Variants in RPL21 observed in about 807,000 individuals in gnomAD.
The protein encoded by RPL21 is ribosomal protein L21, also known as large ribosomal subunit protein eL21.
Under a neutral mutation model 21.2 loss-of-function variants are expected in RPL21, and 1 was observed. The ratio of observed to expected loss-of-function variants is 0.05; its 90% CI spans 0.02 to 0.22. RPL21 has a LOEUF of 0.22. RPL21 is among the 10% of genes least tolerant of loss of function. RPL21 has a pLI of 1.00. For missense variants in RPL21, 113 were observed against 199.4 expected, an observed-to-expected ratio of 0.57 and a Z score of 2.61; for synonymous variants, 52 against 62.9, an observed-to-expected ratio of 0.83 and a Z score of 0.82.
chr13:27,255,407 C>G (rs767206301), intron 4 of RPL21, 53 bp downstream of exon 4: 2 of 807,450 alleles, frequency 2.5e-6, no homozygotes, highest in Admixed American at 1.7e-5. Context: ...CATATACCCC[C>G]TTTTCACTTT....
At chr13:27,254,021 GTA>G (rs1593261172) in intron 2 of RPL21, among the ~76,000 whole-genome samples, 178 bp downstream of exon 2, 1 of 152,196 alleles carries the variant, frequency 6.6e-6, no homozygotes, top group Non-Finnish European at 1.5e-5. Flanking sequence ...TTGTGACTAA[GTA>G]TTGATGCAAG....
intron 1 of RPL21, 171 bp from the exon 2 acceptor site, chr13:27,253,594 C>G (rs1881751639): frequency 3.5e-6 from 2 of 574,244 alleles, no homozygotes; most frequent in East Asian, 6.2e-5. Context: ...AAAGACCTTA[C>G]TTGCTAAAAT....
chr13:27,256,149 G>T (rs964559791), intron 4 of RPL21, 35 bp from the exon 5 acceptor site: 5 of 1,533,040 alleles, frequency 3.3e-6, no homozygotes, highest in Admixed American at 3.7e-5. Flanking sequence ...TTATATTTTT[G>T]TTAAAGCACT....
chr13:27,255,404 C>A (rs1566039283), intron 4 of RPL21, 50 bp downstream of exon 4: 1 of 810,160 alleles, frequency 1.2e-6, no homozygotes, highest in Admixed American at 1.7e-5. Context: ...CCTCATATAC[C>A]CCCTTTTCAC....
chr13:27,255,093 C>A (rs1403385185), intron 3 of RPL21, 149 bp from the exon 4 acceptor site: 1 of 770,118 alleles, frequency 1.3e-6, no homozygotes, highest in African/African-American at 1.7e-5. Context: ...TTTTTGATTG[C>A]TTGAAGCAAT....
At chr13:27,253,319 A>G (rs1459031014) in intron 1 of RPL21, among the ~76,000 whole-genome samples, 4 of 152,252 alleles carry the variant, frequency 2.6e-5, no homozygotes, top group African/African-American at 9.6e-5. Flanking sequence ...GATGTTTGAG[A>G]TACACCATCA....
intron 3 of RPL21, 61 bp downstream of exon 3, chr13:27,254,342 G>T (rs1370534788): frequency 1.1e-6 from 1 of 901,692 alleles, no homozygotes; most frequent in Non-Finnish European, 1.8e-6. Flanking sequence ...TTAATCTAGT[G>T]TAGGAATTCA....
At chr13:27,254,103 A>G in intron 2 of RPL21, 117 bp from the exon 3 acceptor site, 1 of 763,418 alleles carries the variant, frequency 1.3e-6, no homozygotes, top group Non-Finnish European at 2.4e-6. Context: ...TCCATTGGGA[A>G]GATAATAAGC....
At chr13:27,252,581 A>C (rs1467496459) in intron 1 of RPL21, among the ~76,000 whole-genome samples, 1 of 151,534 alleles carries the variant, frequency 6.6e-6, no homozygotes, top group Non-Finnish European at 1.5e-5. Context: ...TGATTATGCC[A>C]CTTGGTGATT....
chr13:27,254,994 A>G, intron 3 of RPL21: 6 of 663,166 alleles, frequency 9.0e-6, no homozygotes, highest in South Asian at 7.5e-5. Context: ...TACTATTACT[A>G]TGATTAAAAA....
At chr13:27,252,638 C>G (rs1881705257) in intron 1 of RPL21, among the ~76,000 whole-genome samples, 2 of 152,134 alleles carry the variant, frequency 1.3e-5, no homozygotes, top group Non-Finnish European at 2.9e-5. Flanking sequence ...TGTGTACTAA[C>G]TTAGCACAAG....
Position 27,256,204 on chromosome 13 carries a change from G to C in RPL21, c.263G>C (p.Arg88Thr). ...KQVKGKILAK[R>T]INVRIEHIKH... ...TCCAGGGGCAAGATTCTTGCCAAGA[G>C]AATTAATGTGCGTATTGAGCACATT... The change falls in exon 5 of 6, where the codon AGA becomes ACA. Residue 88 changes from arginine to threonine, a missense_variant. Coordinates refer to ENST00000311549, the MANE Select transcript of RPL21 (RefSeq NM_000982.4). 1 of 1,594,576 alleles carries C rather than the reference G, an allele frequency of 6.3e-7. No individual in the cohort carries two copies. Among genetic ancestry groups the C allele is most frequent in the South Asian group, 1.1e-5 (1 of 89,036 alleles).
At chr13:27,251,893 T>C (rs1207590026) in intron 1 of RPL21, 2 of 152,240 alleles carry the variant, frequency 1.3e-5, no homozygotes, top group African/African-American at 2.4e-5. Context: ...TCGTTTTATG[T>C]TCCCGTGGCT....
At chr13:27,255,115 A>G (rs576350566) in intron 3 of RPL21, 127 bp from the exon 4 acceptor site, 91 of 775,870 alleles carry the variant, frequency 1.2e-4, no homozygotes, top group Middle Eastern at 6.8e-4. Context: ...TGAAAAACAC[A>G]TTTCACCGGC....
At chr13:27,252,048 T>C (rs891516285) in intron 1 of RPL21, among the ~76,000 whole-genome samples, 1 of 152,064 alleles carries the variant, frequency 6.6e-6, no homozygotes, top group Non-Finnish European at 1.5e-5. Context: ...GTAGTAGGAA[T>C]GGGTTTAAAG....
At chr13:27,251,811 G>T (rs182117260) in intron 1 of RPL21, 1 of 152,394 alleles carries the variant, frequency 6.6e-6, no homozygotes, top group Admixed American at 6.5e-5. Flanking sequence ...CGGCCCTGCG[G>T]GGGGACATTT....
In RPL21 at chr13:27,256,534, A is replaced by G; in HGVS notation, c.*9A>G. The stretch of plus-strand genomic sequence containing the variant: ...ATGAATTCATGGCATAATAGGTGTT[A>G]AAAAAAAAAATAAAGGACCTCTGGG... On this transcript the variant is annotated 3_prime_UTR_variant, in exon 6 of 6. Coordinates refer to ENST00000311549, the MANE Select transcript of RPL21 (RefSeq NM_000982.4). 2 of 692,406 alleles carry G rather than the reference A, an allele frequency of 2.9e-6. No homozygotes were observed. Among genetic ancestry groups the G allele is most frequent in the Non-Finnish European group, 4.6e-6 (2 of 437,156 alleles). 42.9% of individuals were successfully genotyped at this position (692,406 alleles called of 1,614,324 possible). A position where few individuals can be genotyped will look rare whatever the true frequency, so the allele number is the denominator to read the frequency against.
intron 3 of RPL21, 166 bp from the exon 4 acceptor site, chr13:27,255,076 A>G (rs746573820): frequency 1.3e-6 from 1 of 766,894 alleles, no homozygotes; most frequent in Non-Finnish European, 2.4e-6. Context: ...CTTAATGATG[A>G]CTGTTTTTTT....
rs776955383 is a variant in RPL21, at chr13:27,254,312, A to G, written c.129+31A>G. ...CATAAAATTGGGAAAATAACACTAC[A>G]GAAGATAGAAAAGTTGGATTTAATC... On this transcript the variant is annotated intron_variant, in intron 3 of 5. Coordinates refer to ENST00000311549, the MANE Select transcript of RPL21 (RefSeq NM_000982.4). The G allele has an allele frequency of 1.5e-6, 2 of 1,316,472 alleles. 1 individual carries two copies. The highest frequency in any genetic ancestry group is 2.4e-5 in the South Asian group (2 of 85,044). The allele number at this position is 1,316,472 out of a possible 1,614,324, so 81.5% of individuals were successfully genotyped here. A position where few individuals can be genotyped will look rare whatever the true frequency, so the allele number is the denominator to read the frequency against.
Sources: gnomAD v4.1 joint callset for allele counts (sites outside exome capture counted in the v4.1 genomes callset) on GRCh38, gnomAD v4.1.1 for gene constraint, MANE v1.5 for transcripts, NCBI Gene and HGNC (gene_info 2026-07-23, HGNC 2026-07-21) for gene names.